The following TADA2A variants were observed in gnomAD, a reference collection of about 807,000 sequenced individuals.
TADA2A encodes transcriptional adaptor 2A, also known as transcriptional adapter 2-alpha.
A neutral mutation model predicts 67.4 loss-of-function variants in TADA2A; 38 were observed. That is an observed-to-expected ratio of 0.56 (90% CI 0.44 to 0.74). The LOEUF is 0.74. Among genes scored for constraint, TADA2A ranks in the 30% least tolerant of loss-of-function variants. The probability of loss-of-function intolerance (pLI) is 0.00; values close to 1 mark genes in which losing one functional copy is unlikely to be tolerated. For synonymous variants in TADA2A, 192 were observed against 181.6 expected (o/e 1.06, Z -0.46); for missense variants, 454 against 547.0 (o/e 0.83, Z 1.70).
intron 9 of TADA2A, among the ~76,000 whole-genome samples, chr17:37,460,438 T>G (rs1284860179): frequency 6.6e-6 from 1 of 151,962 alleles, no homozygotes; most frequent in Non-Finnish European, 1.5e-5. Flanking sequence ...AGAGACACAG[T>G]TTCCCCATGT....
chr17:37,422,012 G>A (rs1597856447), intron 2 of TADA2A, among the ~76,000 whole-genome samples: 1 of 144,734 alleles, frequency 6.9e-6, no homozygotes, highest in Non-Finnish European at 1.5e-5. Flanking sequence ...CTGTGTAGCT[G>A]GGACTACAGA....
At chr17:37,471,798 G>A (rs566655588) in intron 14 of TADA2A, among the ~76,000 whole-genome samples, 1 of 152,188 alleles carries the variant, frequency 6.6e-6, no homozygotes, top group Middle Eastern at 3.4e-3. Flanking sequence ...GAGCCACCGT[G>A]CCCAGCCTAA....
intron 2 of TADA2A, among the ~76,000 whole-genome samples, chr17:37,422,633 G>A (rs920942882): frequency 2.0e-5 from 3 of 151,974 alleles, no homozygotes; most frequent in Admixed American, 2.0e-4. Context: ...AACTTCCCAA[G>A]TAGCTGGGAT....
At chr17:37,446,659 T>A (rs1487154794) in intron 8 of TADA2A, among the ~76,000 whole-genome samples, 3 of 151,982 alleles carry the variant, frequency 2.0e-5, no homozygotes, top group Admixed American at 1.3e-4. Context: ...CTCCTCCTCC[T>A]CCCTGCTTTT....
intron 5 of TADA2A, chr17:37,438,131 G>A (rs1411868611): frequency 4.3e-6 from 1 of 233,168 alleles, no homozygotes; most frequent in African/African-American, 2.3e-5. Context: ...AGTTTCGTTA[G>A]TTATTACTCC....
intron 8 of TADA2A, among the ~76,000 whole-genome samples, chr17:37,446,346 T>C (rs921393734): frequency 2.0e-5 from 3 of 152,190 alleles, no homozygotes; most frequent in Non-Finnish European, 4.4e-5. Context: ...CTGCCATTCA[T>C]AGACACCAGC....
chr17:37,449,126 T>C (rs1187630593), intron 8 of TADA2A, among the ~76,000 whole-genome samples: 1 of 152,122 alleles, frequency 6.6e-6, no homozygotes, highest in African/African-American at 2.4e-5. Context: ...GTTCACGCCA[T>C]TCTCCTGCCT....
intron 14 of TADA2A, among the ~76,000 whole-genome samples, chr17:37,472,628 G>A (rs1227431715): frequency 2.0e-5 from 3 of 151,826 alleles, no homozygotes; most frequent in Non-Finnish European, 2.9e-5. Flanking sequence ...AGGCTGAGGC[G>A]GGCAGATCAC....
intron 1 of TADA2A, among the ~76,000 whole-genome samples, chr17:37,409,428 C>G (rs1032281725): frequency 2.0e-5 from 3 of 152,130 alleles, no homozygotes; most frequent in African/African-American, 7.2e-5. Flanking sequence ...AATAGACATT[C>G]AGAAGTAATA....
chr17:37,458,893 G>A (rs1420533773), intron 9 of TADA2A, among the ~76,000 whole-genome samples: 7 of 151,952 alleles, frequency 4.6e-5, no homozygotes, highest in Non-Finnish European at 7.4e-5. Flanking sequence ...GGCCAGGCTG[G>A]TCTCAAACTC....
chr17:37,430,777 A>G (rs562020426), intron 4 of TADA2A, among the ~76,000 whole-genome samples: 232 of 152,264 alleles, frequency 1.5e-3, no homozygotes, highest in Non-Finnish European at 2.3e-3. Context: ...GAAAGTTTTT[A>G]TTGTTTATCT....
intron 4 of TADA2A, among the ~76,000 whole-genome samples, chr17:37,432,337 T>C (rs2147947059): frequency 6.6e-6 from 1 of 152,070 alleles, no homozygotes; most frequent in East Asian, 1.9e-4. Context: ...CTGGCTAATT[T>C]TGTATTTTTA....
At chr17:37,457,165 C>T (rs1174925828) in intron 8 of TADA2A, among the ~76,000 whole-genome samples, 12 of 148,392 alleles carry the variant, frequency 8.1e-5, no homozygotes, top group Non-Finnish European at 1.5e-5. Flanking sequence ...GTTATGACCA[C>T]AATCATTATT....
Position 37,421,587 on chromosome 17 carries a change from C to A in TADA2A, c.26-1922C>A, listed in dbSNP as rs761168260. 1.5e-3 allele frequency among the ~76,000 whole-genome samples: 223 copies of A among 146,632 alleles called. 19 individuals carry two copies. Among genetic ancestry groups the A allele is most frequent in the Non-Finnish European group, 2.3e-4 (15 of 65,716 alleles). On this transcript the variant is annotated intron_variant, in intron 2 of 15. Transcript: ENST00000615182. ...ACCGTTTGAGCCCAGGAATTCAAGA[C>A]CAGCCTAGGCAACATAGTGAAACTC...
chr17:37,473,828 A>C (rs934100168), intron 14 of TADA2A, among the ~76,000 whole-genome samples: 1 of 152,238 alleles, frequency 6.6e-6, no homozygotes, highest in Non-Finnish European at 1.5e-5. Flanking sequence ...TGGAAGGAAC[A>C]GATATTCCCT....
chr17:37,427,450 T>C (rs1370374530), intron 4 of TADA2A, among the ~76,000 whole-genome samples: 1 of 152,212 alleles, frequency 6.6e-6, no homozygotes, highest in East Asian at 1.9e-4. Flanking sequence ...AGTTACCTTC[T>C]GAGAGTCAGG....
In TADA2A at chr17:37,426,663, CAGA is replaced by C. The variant is rs1238292901; in HGVS notation, c.133-285_133-283del. ...TGGGTGAAAGAGCAAGACTCCGTCT[CAGA>C]AAAAAAAAAAAAAAAAAAAAAAACT... On this transcript the variant is annotated intron_variant, in intron 3 of 15. Transcript: ENST00000615182. 96 of 98,608 alleles carry C rather than the reference CAGA, an allele frequency of 9.7e-4. 1 individual carries two copies. The highest frequency in any genetic ancestry group is 3.4e-3 in the South Asian group (12 of 3,522). The allele number at this position is 98,608 out of a possible 1,614,324, so 6.1% of individuals were successfully genotyped here.
At position 37,471,151 on chromosome 17, in the gene TADA2A, AG is replaced by A; in HGVS notation, c.1072+16del. 6.2e-7 allele frequency: 1 copy of A among 1,613,514 alleles called. No homozygotes were observed. Among genetic ancestry groups the A allele is most frequent in the East Asian group, 2.2e-5 (1 of 44,866 alleles). ...CTTCGAATTCAGGTAATTATTTCTC[AG>A]GCCAGAACAAGTCTTAATTGTGAAG... On this transcript the variant is annotated intron_variant, in intron 14 of 15. Coordinates refer to ENST00000615182, the MANE Select transcript of TADA2A (RefSeq NM_001166105.3).
chr17:37,458,610 G>A (rs760731726), intron 9 of TADA2A, 23 bp downstream of exon 9: 3 of 1,598,426 alleles, frequency 1.9e-6, no homozygotes, highest in Non-Finnish European at 2.6e-6. Context: ...AACCATCCTG[G>A]CCTCCTTTCA....
Sources: allele counts gnomAD v4.1 joint callset (sites outside exome capture counted in the v4.1 genomes callset), GRCh38; gene constraint gnomAD v4.1.1; transcripts MANE v1.5; gene names NCBI Gene and HGNC (gene_info 2026-07-23, HGNC 2026-07-21).